Variants in IQCM observed in about 807,000 individuals in gnomAD.
IQCM encodes IQ motif containing M.
IQCM carries 45 observed loss-of-function variants against 57.6 expected under a neutral mutation model. The ratio of observed to expected loss-of-function variants is 0.78; its 90% CI spans 0.62 to 1.00. IQCM has a LOEUF of 1.00. Ranked by LOEUF, IQCM falls within the 50% of genes least tolerant of loss-of-function variation. The probability of loss-of-function intolerance (pLI) is 0.00; values close to 1 mark genes in which losing one functional copy is unlikely to be tolerated. For missense variants in IQCM, 468 were observed against 511.6 expected, an observed-to-expected ratio of 0.91 and a Z score of 0.82; for synonymous variants, 148 against 158.9, an observed-to-expected ratio of 0.93 and a Z score of 0.51.
intron 2 of IQCM, among the ~76,000 whole-genome samples, chr4:149,802,871 C>T (rs564103019): frequency 2.0e-5 from 3 of 151,926 alleles, no homozygotes; most frequent in Non-Finnish European, 2.9e-5. Flanking sequence ...CTACAGAAGA[C>T]ACTCGGAAAA....
At chr4:149,569,522 A>G (rs1257689929) in intron 9 of IQCM, among the ~76,000 whole-genome samples, 2 of 152,182 alleles carry the variant, frequency 1.3e-5, no homozygotes, top group African/African-American at 2.4e-5. Context: ...AATTTTTGCT[A>G]AACATATATT....
At chr4:149,353,080 C>A (rs1050322420) in intron 13 of IQCM, among the ~76,000 whole-genome samples, 2 of 152,026 alleles carry the variant, frequency 1.3e-5, no homozygotes, top group African/African-American at 4.8e-5. Flanking sequence ...TGACAAAGAG[C>A]AAGGCCTTAT....
chr4:149,525,476 T>C (rs1403651234), intron 12 of IQCM, among the ~76,000 whole-genome samples: 1 of 151,760 alleles, frequency 6.6e-6, no homozygotes, highest in African/African-American at 2.4e-5. Context: ...AAAGGGCCCT[T>C]AACTAGATTT....
At chr4:149,623,751 G>GTGTGTGTGTGTA (rs543588041) in intron 7 of IQCM, among the ~76,000 whole-genome samples, 12 of 151,332 alleles carry the variant, frequency 7.9e-5, no homozygotes, top group African/African-American at 2.9e-4. Context: ...GTGTGTGTGT[G>GTGTGTGTGTGTA]TACACATGTG....
intron 8 of IQCM, among the ~76,000 whole-genome samples, chr4:149,615,082 G>A (rs531704302): frequency 6.6e-6 from 1 of 152,166 alleles, no homozygotes; most frequent in East Asian, 1.9e-4. Flanking sequence ...CTATAGATAA[G>A]TGCATTGATT....
chr4:149,673,135 T>A (rs936714499), intron 7 of IQCM, among the ~76,000 whole-genome samples: 2 of 152,050 alleles, frequency 1.3e-5, no homozygotes, highest in African/African-American at 4.8e-5. Context: ...GCACTAAGCA[T>A]GGAAAGGAAC....
intron 9 of IQCM, among the ~76,000 whole-genome samples, chr4:149,570,613 A>C (rs1035223880): frequency 1.3e-5 from 2 of 152,130 alleles, no homozygotes; most frequent in Non-Finnish European, 2.9e-5. Context: ...ATCCTGCTAC[A>C]TAAAATCATT....
Position 149,668,194 on chromosome 4 carries a change from A to G in IQCM, c.565+13924T>C, listed in dbSNP as rs530529536. ...GCCAGAGAGAAAGGTCGGGTTACCT[A>G]CAAAGGGAAGCCCATCAGACTAACA... is the stretch of plus-strand genomic sequence containing the variant. On this transcript the variant is annotated intron_variant, in intron 7 of 13. Transcript: ENST00000636793. Among the ~76,000 whole-genome samples, 15 of 152,330 alleles carry G rather than the reference A, an allele frequency of 9.8e-5. No homozygotes were observed. The East Asian group carries it at 2.7e-3, about 28-fold the overall frequency.
intron 13 of IQCM, among the ~76,000 whole-genome samples, chr4:149,388,554 TA>T (rs1430779422): frequency 1.5e-5 from 2 of 132,866 alleles, no homozygotes; most frequent in South Asian, 2.3e-4. Flanking sequence ...ATAATATATA[TA>T]ATATATTTAT....
chr4:149,493,226 C>A (rs148434012), intron 12 of IQCM, among the ~76,000 whole-genome samples: 81 of 152,072 alleles, frequency 5.3e-4, no homozygotes, highest in African/African-American at 1.8e-3. Flanking sequence ...ATTTTTCTTG[C>A]CATCTTTAAT....
chr4:149,778,245 A>G (rs1484571281), intron 2 of IQCM, among the ~76,000 whole-genome samples: 1 of 152,078 alleles, frequency 6.6e-6, no homozygotes, highest in African/African-American at 2.4e-5. Flanking sequence ...GCGTGGTCGC[A>G]GGCGCCTGTA....
chr4:149,517,114 G>A (rs201380615), intron 12 of IQCM, among the ~76,000 whole-genome samples: 167 of 83,768 alleles, frequency 2.0e-3, no homozygotes, highest in South Asian at 4.0e-3. Flanking sequence ...ACTCCACCAG[G>A]AAAAAAAAAA....
intron 6 of IQCM, among the ~76,000 whole-genome samples, chr4:149,685,646 C>T (rs1334542692): frequency 6.6e-6 from 1 of 151,432 alleles, no homozygotes; most frequent in African/African-American, 2.4e-5. Flanking sequence ...GTGCCAATTA[C>T]CCCAAATTTC....
intron 12 of IQCM, among the ~76,000 whole-genome samples, chr4:149,513,350 T>A (rs149051446): frequency 0.016 from 2,372 of 152,242 alleles, 31 homozygotes; most frequent in Middle Eastern, 0.041. Flanking sequence ...TTTAAGGCTA[T>A]TTTTCACTTC....
intron 12 of IQCM, among the ~76,000 whole-genome samples, chr4:149,517,324 A>G (rs958134149): frequency 2.0e-5 from 3 of 152,146 alleles, no homozygotes; most frequent in African/African-American, 7.2e-5. Flanking sequence ...CTAAGAAAAT[A>G]TCTTCATTGT....
chr4:149,361,850 C>T (rs1729514651), intron 13 of IQCM, among the ~76,000 whole-genome samples: 1 of 152,262 alleles, frequency 6.6e-6, no homozygotes, highest in African/African-American at 2.4e-5. Flanking sequence ...AGAGGGCCAC[C>T]TTACTCCAAA....
chr4:149,785,996 A>G (rs1015604138), intron 2 of IQCM, among the ~76,000 whole-genome samples: 1 of 152,144 alleles, frequency 6.6e-6, no homozygotes, highest in African/African-American at 2.4e-5. Flanking sequence ...TTTAAGTAAA[A>G]CTAATTGTGG....
intron 11 of IQCM, among the ~76,000 whole-genome samples, chr4:149,549,422 G>C (rs537826139): frequency 1.2e-4 from 18 of 151,558 alleles, no homozygotes; most frequent in Non-Finnish European, 1.8e-4. Flanking sequence ...GGAGGCTGAG[G>C]CAGGAGAATG....
intron 5 of IQCM, among the ~76,000 whole-genome samples, chr4:149,699,187 T>C (rs527684599): frequency 3.9e-5 from 6 of 152,174 alleles, no homozygotes; most frequent in African/African-American, 1.4e-4. Flanking sequence ...TGCAAAGTTA[T>C]ATTGTGCTTT....
Sources: allele counts gnomAD v4.1 joint callset (sites outside exome capture counted in the v4.1 genomes callset), GRCh38; gene constraint gnomAD v4.1.1; transcripts MANE v1.5; gene names NCBI Gene and HGNC (gene_info 2026-07-23, HGNC 2026-07-21).